Variants in PANX2 observed in about 807,000 individuals in gnomAD.
The protein encoded by PANX2 is pannexin-2.
In PANX2, 30 loss-of-function variants were observed where a neutral mutation model predicts 38.7. That is an observed-to-expected ratio of 0.78 (90% CI 0.58 to 1.05). The LOEUF (loss-of-function observed/expected upper bound fraction) is 1.05. Among genes scored for constraint, PANX2 ranks in the 50% least tolerant of loss-of-function variants. PANX2 has a pLI of 0.00. For missense variants in PANX2, 880 were observed against 979.3 expected, an observed-to-expected ratio of 0.90 and a Z score of 1.35; for synonymous variants, 539 against 472.1, an observed-to-expected ratio of 1.14 and a Z score of -1.84.
Position 50,177,913 on chromosome 22 carries a change from G to A in PANX2, c.1201G>A (p.Gly401Arg). Residue 401 changes from glycine (G) to arginine (R), a missense_variant, in exon 2 of 3, where the codon GGG becomes AGG. Around this residue, in one of 4 missense-constraint regions of PANX2, gnomAD observed 445 missense variants for 404.3 expected, o/e 1.10. Coordinates refer to ENST00000395842, the MANE Select transcript of PANX2 (RefSeq NM_052839.4). ...HDATPTVRDS[G>R]VQTVDPSANP... Reference sequence around the variant, plus strand: ...CGCCACCCCCACGGTGCGCGACTCGGGGGTGCAGACCGTGGACCCCAGCGC... The same window carrying A: ...CGCCACCCCCACGGTGCGCGACTCGAGGGTGCAGACCGTGGACCCCAGCGC... The A allele has an allele frequency of 2.6e-6, 4 of 1,530,738 alleles. No individual in the cohort carries two copies. Among genetic ancestry groups the A allele is most frequent in the Non-Finnish European group, 3.5e-6 (4 of 1,142,474 alleles). 94.8% of individuals were successfully genotyped at this position (1,530,738 alleles called of 1,614,324 possible). A position where few individuals can be genotyped will look rare whatever the true frequency, so the allele number is the denominator to read the frequency against.
Position 50,177,526 on chromosome 22 carries a change from G to A in PANX2, c.814G>A (p.Gly272Arg). The A allele has an allele frequency of 6.2e-7, 1 of 1,609,950 alleles. No homozygotes were observed. ...GTCCCCGGACGGGGCGGCAGGTGCG[G>A]GGCCCGCGGTGCGCGTGAGCTGCAA... is the stretch of plus-strand genomic sequence containing the variant. The part of the protein sequence containing the change: ...GASPDGAAGA[G>R]PAVRVSCKLP... Residue 272 changes from glycine (G) to arginine (R), a missense_variant, in exon 2 of 3, where the codon GGG becomes AGG. This residue lies in a region of PANX2 where 114 missense variants were observed against 108.8 expected (regional missense o/e 1.05). Transcript: ENST00000395842.
In PANX2 at chr22:50,170,978, CG is replaced by C. The variant is rs1050153885; in HGVS notation, c.226+26del. 9.3e-6 allele frequency: 13 copies of C among 1,391,966 alleles called. No individual in the cohort carries two copies. In the African/African-American group the frequency reaches 2.0e-4, roughly 21 times the overall value. The allele number at this position is 1,391,966 out of a possible 1,614,324, so 86.2% of individuals were successfully genotyped here. On this transcript the variant is annotated intron_variant, in intron 1 of 2. Coordinates refer to ENST00000395842, the MANE Select transcript of PANX2 (RefSeq NM_052839.4). ...GCAGGTGAGGCCGGCGGCCGGGGCG[CG>C]GGGCGCGGGCAGAGGGGGCGTCCGC...
rs75219813 is a variant in PANX2 at position 50,174,280 on chromosome 22, G to T, written c.227-2659G>T. On this transcript the variant is annotated intron_variant, in intron 1 of 2. Transcript: ENST00000395842. ...GGGGGCACCTTGGGGCCATGTGCAG[G>T]CCAGATCGCAGGGGTGGGCTGGAGA... 4.4e-3 allele frequency among the ~76,000 whole-genome samples: 651 copies of T among 149,586 alleles called. 6 individuals are homozygous for T. Among genetic ancestry groups the T allele is most frequent in the African/African-American group, 0.015 (611 of 40,930 alleles).
At position 50,176,963 on chromosome 22, in the gene PANX2, C is replaced by G; in HGVS notation, c.251C>G (p.Pro84Arg). The G allele has an allele frequency of 4.5e-6, 7 of 1,556,268 alleles. No homozygotes were observed. Among genetic ancestry groups the G allele is most frequent in the Non-Finnish European group, 6.0e-6 (7 of 1,159,124 alleles). The change falls in exon 2 of 3, where the codon CCG becomes CGG. Residue 84 changes from proline to arginine, a missense_variant. By Grantham distance (103) the Pro-to-Arg change is moderately radical. Coordinates refer to ENST00000395842, the MANE Select transcript of PANX2 (RefSeq NM_052839.4). ...FAEEPIYCYT[P>R]HNFTRDQALY... ...GAGGAACCCATTTACTGTTACACCCCGCACAACTTCACGCGCGACCAGGCG... is the reference window on the plus strand; with the variant it reads ...GAGGAACCCATTTACTGTTACACCCGGCACAACTTCACGCGCGACCAGGCG...
At position 50,178,118 on chromosome 22, in the gene PANX2, C is replaced by G; in HGVS notation, c.1406C>G (p.Thr469Arg). Reference sequence around the variant, plus strand: ...AAGCCCGCGCGCAGGAAGACGGCCACGGACACGCTGATCGCGCCGCTGCTG... The same window carrying G: ...AAGCCCGCGCGCAGGAAGACGGCCAGGGACACGCTGATCGCGCCGCTGCTG... ...KPKPARRKTATDTLIAPLLDR... is the reference protein window; with the variant it reads ...KPKPARRKTARDTLIAPLLDR... The change falls in exon 2 of 3, where the codon ACG (threonine) becomes AGG (arginine). Residue 469 changes from threonine to arginine, a missense_variant. By Grantham distance (71) the Thr-to-Arg change is moderately conservative. Transcript: ENST00000395842. 6.5e-7 allele frequency: 1 copy of G among 1,541,044 alleles called. No homozygotes were observed. The highest frequency in any genetic ancestry group is 8.7e-7 in the Non-Finnish European group (1 of 1,152,534).
At position 50,178,159 on chromosome 22, in the gene PANX2, C is replaced by A; in HGVS notation, c.1447C>A (p.His483Asn). 1 of 1,516,136 alleles carries A rather than the reference C, an allele frequency of 6.6e-7. No individual in the cohort carries two copies. The highest frequency in any genetic ancestry group is 8.8e-7 in the Non-Finnish European group (1 of 1,140,016). 93.9% of individuals were successfully genotyped at this position (1,516,136 alleles called of 1,614,324 possible). ...IAPLLDRSAHHYKGGGGDPGP... is the reference protein window; with the variant it reads ...IAPLLDRSAHNYKGGGGDPGP... Reference sequence around the variant, plus strand: ...GCCGCTGCTGGACCGCTCCGCCCACCACTACAAGGGCGGAGGGGGCGACCC... The same window carrying A: ...GCCGCTGCTGGACCGCTCCGCCCACAACTACAAGGGCGGAGGGGGCGACCC... The change falls in exon 2 of 3, where the codon CAC becomes AAC. Residue 483 changes from histidine (H) to asparagine (N), a missense_variant. Around this residue, in one of 4 missense-constraint regions of PANX2, gnomAD observed 445 missense variants for 404.3 expected, o/e 1.10. Transcript: ENST00000395842.
At chr22:50,178,878 TG>T in intron 2 of PANX2, 55 bp from the exon 3 acceptor site, 6 of 1,440,494 alleles carry the variant, frequency 4.2e-6, no homozygotes, top group South Asian at 1.3e-5. Context: ...GGGTGGGCGC[TG>T]GGGGCGGCGC....
In PANX2 at chr22:50,171,003, G is replaced by A. The variant is rs773165137; in HGVS notation, c.226+47G>A. The A allele has an allele frequency of 6.6e-5, 72 of 1,088,852 alleles. 1 individual carries two copies. The highest frequency in any genetic ancestry group is 8.7e-5 in the Non-Finnish European group (69 of 789,736). The allele number at this position is 1,088,852 out of a possible 1,614,324, so 67.4% of individuals were successfully genotyped here. On this transcript the variant is annotated intron_variant, in intron 1 of 2. Transcript: ENST00000395842. ...CGGGGCGCGGGCAGAGGGGGCGTCC[G>A]CAGGTGTCCGGGAGCTGGCGCTTCC...
intron 1 of PANX2, among the ~76,000 whole-genome samples, chr22:50,173,034 C>T (rs1282403075): frequency 1.3e-5 from 2 of 152,020 alleles, no homozygotes; most frequent in South Asian, 2.1e-4. Flanking sequence ...GTAGCTGGGA[C>T]TACAGGCGCC....
At chr22:50,175,199 G>A (rs1225343157) in intron 1 of PANX2, among the ~76,000 whole-genome samples, 3 of 152,158 alleles carry the variant, frequency 2.0e-5, no homozygotes, top group African/African-American at 7.2e-5. Flanking sequence ...CGCCAGACAC[G>A]TGGCTCGGTG....
chr22:50,175,935 C>T (rs916457665), intron 1 of PANX2, among the ~76,000 whole-genome samples: 1 of 152,262 alleles, frequency 6.6e-6, no homozygotes, highest in Non-Finnish European at 1.5e-5. Context: ...ACAGGCCTGT[C>T]CCTGTTGCTT....
In PANX2 at chr22:50,177,417, G is replaced by A. The variant is rs1252152599; in HGVS notation, c.705G>A (p.Leu235=). The A allele has an allele frequency of 6.2e-7, 1 of 1,608,622 alleles. No homozygotes were observed. Among genetic ancestry groups the A allele is most frequent in the South Asian group, 1.1e-5 (1 of 90,564 alleles). The change falls in exon 2 of 3, where the codon CTG becomes CTA. Residue 235 remains leucine (L), a synonymous_variant. Transcript: ENST00000395842. ...KLYLARHVLI[L]LLSAVPISYL... is the part of the protein sequence containing the mutation. The stretch of plus-strand genomic sequence containing the variant: ...ACCTGGCGCGGCACGTGCTGATCCT[G>A]CTGCTGAGCGCCGTGCCCATCTCCT...
intron 1 of PANX2, among the ~76,000 whole-genome samples, chr22:50,171,346 A>G (rs1207289528): frequency 2.0e-5 from 3 of 151,974 alleles, no homozygotes; most frequent in Admixed American, 2.0e-4. Flanking sequence ...GACAGCAGAG[A>G]GCTGATTACA....
chr22:50,179,205 C>G lies in PANX2; in HGVS notation c.1962C>G (p.Ile654Met), dbSNP rs1318121709. 2 of 1,612,748 alleles carry G rather than the reference C, an allele frequency of 1.2e-6. No individual in the cohort carries two copies. Among genetic ancestry groups the G allele is most frequent in the Non-Finnish European group, 1.7e-6 (2 of 1,179,906 alleles). ...AGGACGTGGGGGACCTCATCGCCATCCCTGCCCCACAGCAGATCCTCATCG... is the reference window on the plus strand; with the variant it reads ...AGGACGTGGGGGACCTCATCGCCATGCCTGCCCCACAGCAGATCCTCATCG... ...LPQDVGDLIA[I>M]PAPQQILIAT... Residue 654 changes from isoleucine to methionine, a missense_variant, in exon 3 of 3, where the codon ATC becomes ATG. Ile to Met is a conservative substitution (Grantham distance 10). Transcript: ENST00000395842.
chr22:50,171,661 G>A (rs566641723), intron 1 of PANX2, among the ~76,000 whole-genome samples: 33 of 152,310 alleles, frequency 2.2e-4, no homozygotes, highest in African/African-American at 7.7e-4. Flanking sequence ...GATGGACAGA[G>A]CAGCCAGCCT....
At chr22:50,175,118 A>G (rs1444951966) in intron 1 of PANX2, among the ~76,000 whole-genome samples, 1 of 152,206 alleles carries the variant, frequency 6.6e-6, no homozygotes, top group Non-Finnish European at 1.5e-5. Flanking sequence ...TGCTGCCGCC[A>G]TCCGGCAGGG....
At chr22:50,175,019 C>T (rs369362376) in intron 1 of PANX2, among the ~76,000 whole-genome samples, 7 of 152,168 alleles carry the variant, frequency 4.6e-5, no homozygotes, top group African/African-American at 1.7e-4. Flanking sequence ...AGGGCCGGGC[C>T]GGTCACCTGC....
chr22:50,177,715 C>T lies in PANX2; in HGVS notation c.1003C>T (p.Gln335Ter), dbSNP rs1369696386. Residue 335 changes from glutamine to a stop codon, truncating the protein, a stop_gained, in exon 2 of 3, where the codon CAG (glutamine) becomes TAG (stop). Coordinates refer to ENST00000395842, the MANE Select transcript of PANX2 (RefSeq NM_052839.4). LOFTEE classifies it high-confidence loss of function. ...LHKVGIKTRR[Q>*]WRRSQFCDIN... Reference sequence around the variant, plus strand: ...CAAGGTGGGCATCAAGACGCGCCGGCAGTGGCGCCGCTCGCAGTTCTGCGA... The same window carrying T: ...CAAGGTGGGCATCAAGACGCGCCGGTAGTGGCGCCGCTCGCAGTTCTGCGA... The T allele has an allele frequency of 1.2e-6, 2 of 1,610,488 alleles. No individual in the cohort carries two copies. The highest frequency in any genetic ancestry group is 1.1e-5 in the South Asian group (1 of 91,036).
At position 50,179,895 on chromosome 22, in the gene PANX2, C is replaced by G. The variant is rs1009027128; in HGVS notation, c.*618C>G. Reference sequence around the variant, plus strand: ...TGTACCGAACAAGCATATTTATCATCAGGAGACAGGATGGGTTTAAAGCAG... The same window carrying G: ...TGTACCGAACAAGCATATTTATCATGAGGAGACAGGATGGGTTTAAAGCAG... On this transcript the variant is annotated 3_prime_UTR_variant, in exon 3 of 3. Transcript: ENST00000395842. 3.2e-5 allele frequency: 5 copies of G among 154,408 alleles called. No individual in the cohort carries two copies. The highest frequency in any genetic ancestry group is 7.2e-5 in the Non-Finnish European group (5 of 69,320). The allele number at this position is 154,408 out of a possible 1,614,324, so 9.6% of individuals were successfully genotyped here.
Sources: allele counts gnomAD v4.1 joint callset (sites outside exome capture counted in the v4.1 genomes callset), GRCh38; gene constraint gnomAD v4.1.1; regional missense constraint gnomAD v4.1.1; transcripts MANE v1.5; gene names NCBI Gene and HGNC (gene_info 2026-07-23, HGNC 2026-07-21).